The following IL1R1 variants were observed in gnomAD, a reference collection of about 807,000 sequenced individuals.
IL1R1 encodes the protein interleukin-1 receptor type 1.
IL1R1 carries 22 observed loss-of-function variants against 50.2 expected under a neutral mutation model. The ratio of observed to expected loss-of-function variants is 0.44; its 90% CI spans 0.31 to 0.63. IL1R1 has a LOEUF of 0.63. IL1R1 is among the 20% of genes least tolerant of loss of function. The probability of loss-of-function intolerance (pLI) is 0.07; values close to 1 mark genes in which losing one functional copy is unlikely to be tolerated. For missense variants in IL1R1, 509 were observed against 676.2 expected, an observed-to-expected ratio of 0.75 and a Z score of 2.74; for synonymous variants, 251 against 236.7, an observed-to-expected ratio of 1.06 and a Z score of -0.55.
intron 5 of IL1R1, 94 bp downstream of exon 5, chr2:102,165,398 G>A (rs981506946): frequency 2.5e-5 from 15 of 610,270 alleles, no homozygotes; most frequent in Non-Finnish European, 3.4e-5. Flanking sequence ...TTTTTATTTT[G>A]TATATTGTTT....
chr2:102,161,118 C>G (rs1035251006), intron 3 of IL1R1, among the ~76,000 whole-genome samples: 8 of 152,068 alleles, frequency 5.3e-5, no homozygotes. Context: ...CATTGAATGC[C>G]ATAAGTTTTG....
chr2:102,139,010 C>T (rs756415296), upstream of IL1R1, among the ~76,000 whole-genome samples: 57 of 152,188 alleles, frequency 3.7e-4, no homozygotes, highest in Non-Finnish European at 6.3e-4. Context: ...GGTAGTAACA[C>T]AATCTCTTCA....
In IL1R1 at chr2:102,127,921, G is replaced by A. The variant is rs1057477718; in HGVS notation, c.-84+23049G>A. Among the ~76,000 whole-genome samples the A allele has an allele frequency of 1.1e-4, 17 of 152,140 alleles. No homozygotes were observed. In the South Asian group the frequency reaches 1.5e-3, roughly 13 times the overall value. ...GCAATAATTAAATTTCTGAGTTTAC[G>A]TAAAGAATCTTATGAAACTTCTCAT... On this transcript the variant is annotated intron_variant, in intron 1 of 10. Coordinates refer to the IL1R1 transcript ENST00000409329.
chr2:102,167,622 G>T (rs1167026276), intron 6 of IL1R1, among the ~76,000 whole-genome samples: 2 of 151,684 alleles, frequency 1.3e-5, no homozygotes, highest in African/African-American at 4.8e-5. Flanking sequence ...TAATTTTTTT[G>T]TATTTTTAGT....
At position 102,164,952 on chromosome 2, in the gene IL1R1, A is replaced by G; in HGVS notation, c.240A>G (p.Lys80=). 1.9e-6 allele frequency: 3 copies of G among 1,614,124 alleles called. No homozygotes were observed. The highest frequency in any genetic ancestry group is 2.5e-6 in the Non-Finnish European group (3 of 1,179,984). ...CCAGGATTCATCAACACAAAGAGAA[A>G]CTTTGGTTTGTTCCTGCTAAGGTGG... ...QASRIHQHKE[K]LWFVPAKVED... The change falls in exon 4 of 12, where the codon AAA becomes AAG. Residue 80 remains lysine, a synonymous_variant. Transcript: ENST00000410023.
upstream of IL1R1, among the ~76,000 whole-genome samples, chr2:102,139,081 GGGT>G: frequency 6.6e-6 from 1 of 152,114 alleles, no homozygotes; most frequent in Non-Finnish European, 1.5e-5. Context: ...AGTTCTTTGG[GGGT>G]GGTGGGGCTA....
chr2:102,077,910 A>G (rs536469926), intron 1 of IL1R1, among the ~76,000 whole-genome samples: 1 of 152,352 alleles, frequency 6.6e-6, no homozygotes, highest in South Asian at 2.1e-4. Context: ...GAAATCAATA[A>G]AAGAAGAAAA....
rs561812046 is a variant in IL1R1 at position 102,131,522 on chromosome 2, G to A, written c.-83-22419G>A. 5.9e-5 allele frequency among the ~76,000 whole-genome samples: 9 copies of A among 152,142 alleles called. 2 individuals carry two copies. The highest frequency in any genetic ancestry group is 1.7e-4 in the African/African-American group (7 of 41,500). On this transcript the variant is annotated intron_variant, in intron 1 of 10. Coordinates refer to the IL1R1 transcript ENST00000409329. Reference sequence around the variant, plus strand: ...AAACAAAAGACGTGAAAATGCCTGCGTCTAACTTCTAGAGATAACAACTAC... The same window carrying A: ...AAACAAAAGACGTGAAAATGCCTGCATCTAACTTCTAGAGATAACAACTAC...
chr2:102,126,397 G>A (rs1046354302), intron 1 of IL1R1, among the ~76,000 whole-genome samples: 1 of 152,176 alleles, frequency 6.6e-6, no homozygotes, highest in African/African-American at 2.4e-5. Flanking sequence ...TCCTCCCATG[G>A]TGAAAGATCT....
At chr2:102,132,111 A>G (rs1362695311) in intron 1 of IL1R1, among the ~76,000 whole-genome samples, 1 of 152,010 alleles carries the variant, frequency 6.6e-6, no homozygotes, top group Non-Finnish European at 1.5e-5. Context: ...TCAAAAACAA[A>G]GACACAATAA....
intron 1 of IL1R1, among the ~76,000 whole-genome samples, chr2:102,129,972 A>C (rs1681939129): frequency 6.6e-6 from 1 of 152,258 alleles, no homozygotes; most frequent in Non-Finnish European, 1.5e-5. Flanking sequence ...TTGCCTGTTA[A>C]CATAAATCTC....
intron 1 of IL1R1, among the ~76,000 whole-genome samples, chr2:102,094,352 A>G (rs1020385054): frequency 5.9e-5 from 9 of 152,214 alleles, no homozygotes; most frequent in African/African-American, 2.2e-4. Flanking sequence ...AGTGATGTTA[A>G]ATTACAGTAT....
intron 1 of IL1R1, among the ~76,000 whole-genome samples, chr2:102,118,393 A>G (rs2104385931): frequency 6.6e-6 from 1 of 152,194 alleles, no homozygotes; most frequent in Non-Finnish European, 1.5e-5. Flanking sequence ...TGTATTCTTT[A>G]TTACATAGTA....
intron 3 of IL1R1, among the ~76,000 whole-genome samples, chr2:102,164,426 T>C (rs3917338): frequency 3.9e-5 from 6 of 152,204 alleles, no homozygotes; most frequent in Non-Finnish European, 8.8e-5. Flanking sequence ...TTTTGTCCAT[T>C]TTTTAGTTGT....
At chr2:102,147,409 C>T (rs913678672) in intron 1 of IL1R1, among the ~76,000 whole-genome samples, 20 of 152,168 alleles carry the variant, frequency 1.3e-4, no homozygotes, top group African/African-American at 4.3e-4. Flanking sequence ...GGAGAAAGGT[C>T]TCTGGTTCTC....
chr2:102,098,147 G>T (rs749306344), intron 1 of IL1R1, among the ~76,000 whole-genome samples: 1 of 151,978 alleles, frequency 6.6e-6, no homozygotes, highest in African/African-American at 2.4e-5. Flanking sequence ...ATCATATATA[G>T]AGTAAGGGAA....
upstream of IL1R1, among the ~76,000 whole-genome samples, chr2:102,100,027 C>A (rs1347867671): frequency 2.6e-5 from 4 of 152,142 alleles, no homozygotes; most frequent in African/African-American, 9.7e-5. Context: ...ACCTGTTCTG[C>A]ACCTCCCAGC....
chr2:102,174,910 T>C (rs1183906314), intron 10 of IL1R1, among the ~76,000 whole-genome samples, 180 bp downstream of exon 10: 2 of 152,314 alleles, frequency 1.3e-5, no homozygotes, highest in East Asian at 3.9e-4. Flanking sequence ...CTGAATATCA[T>C]TGTTTTCTAA....
At chr2:102,153,182 A>G (rs1683851760) in intron 1 of IL1R1, among the ~76,000 whole-genome samples, 1 of 152,156 alleles carries the variant, frequency 6.6e-6, no homozygotes, top group African/African-American at 2.4e-5. Context: ...TGCTTCTTAA[A>G]CAGGGCCTGC....
Sources: gnomAD v4.1 joint callset for allele counts (sites outside exome capture counted in the v4.1 genomes callset) on GRCh38, gnomAD v4.1.1 for gene constraint, MANE v1.5 for transcripts, NCBI Gene and HGNC (gene_info 2026-07-23, HGNC 2026-07-21) for gene names.